Variants in SBF2 observed in about 807,000 individuals in gnomAD.
The protein encoded by SBF2 is myotubularin-related protein 13.
In SBF2, 112 loss-of-function variants were observed where a neutral mutation model predicts 225.2. The ratio of observed to expected loss-of-function variants is 0.50; its 90% CI spans 0.43 to 0.58. The LOEUF is 0.58. Among genes scored for constraint, SBF2 ranks in the 20% least tolerant of loss-of-function variants. The pLI is 0.00. For missense variants in SBF2, 1,996 were observed against 2,206.2 expected (o/e 0.90, Z 1.91); for synonymous variants, 763 against 773.3 (o/e 0.99, Z 0.22).
Position 9,999,279 on chromosome 11 carries a change from C to CTGTATGTA in SBF2, c.862-908_862-901dup, listed in dbSNP as rs3073236. 1.7e-3 allele frequency among the ~76,000 whole-genome samples: 243 copies of CTGTATGTA among 146,866 alleles called. 1 individual carries two copies. The highest frequency in any genetic ancestry group is 5.4e-3 in the East Asian group (27 of 5,000). On this transcript the variant is annotated intron_variant, in intron 8 of 39. Coordinates refer to ENST00000256190, the MANE Select transcript of SBF2 (RefSeq NM_030962.4). ...ACTTGGTTGGTCCTACCTCCAGTGA[C>CTGTATGTA]TGTATGTATGTATGTATGTATGTAT...
intron 2 of SBF2, among the ~76,000 whole-genome samples, chr11:10,053,699 G>C (rs1017135309): frequency 2.6e-5 from 4 of 151,790 alleles, no homozygotes; most frequent in Non-Finnish European, 4.4e-5. Flanking sequence ...AGGCTGCAAT[G>C]AGCTGAGATC....
chr11:10,143,872 C>T (rs11600489), intron 2 of SBF2, among the ~76,000 whole-genome samples: 33,335 of 152,026 alleles, frequency 0.22, 4,266 homozygotes, highest in Non-Finnish European at 0.3. Context: ...CACTCGCTAC[C>T]GCGCCCGGCT....
intron 28 of SBF2, 32 bp downstream of exon 28, chr11:9,829,324 C>A: frequency 1.2e-6 from 2 of 1,610,218 alleles, no homozygotes; most frequent in Non-Finnish European, 1.7e-6. Context: ...TCATTAGAAG[C>A]TGTCAAGAAG....
intron 2 of SBF2, among the ~76,000 whole-genome samples, chr11:10,182,803 C>G (rs1391387899): frequency 6.6e-6 from 1 of 151,206 alleles, no homozygotes; most frequent in African/African-American, 2.4e-5. Flanking sequence ...GAGACGGAGT[C>G]TTGCTCTGTC....
chr11:9,793,800 G>C (rs1852916148), intron 33 of SBF2, among the ~76,000 whole-genome samples: 1 of 152,172 alleles, frequency 6.6e-6, no homozygotes, highest in Admixed American at 6.5e-5. Context: ...AAGCTCCCCA[G>C]GTGATTCTAA....
At chr11:10,121,062 C>T (rs573877271) in intron 2 of SBF2, among the ~76,000 whole-genome samples, 16 of 152,240 alleles carry the variant, frequency 1.1e-4, no homozygotes, top group East Asian at 3.9e-4. Context: ...CATCACGCCC[C>T]GCCTGTTTTT....
At chr11:9,823,356 T>C (rs949857698) in intron 28 of SBF2, among the ~76,000 whole-genome samples, 14 of 152,094 alleles carry the variant, frequency 9.2e-5, no homozygotes, top group African/African-American at 3.1e-4. Flanking sequence ...ATTTTAACCC[T>C]GGCTCATCAG....
intron 17 of SBF2, among the ~76,000 whole-genome samples, chr11:9,875,565 T>C (rs1015448971): frequency 6.6e-6 from 1 of 152,114 alleles, no homozygotes; most frequent in East Asian, 1.9e-4. Flanking sequence ...CATAACAGGA[T>C]AGAAAGACCA....
intron 29 of SBF2, among the ~76,000 whole-genome samples, chr11:9,813,835 G>A (rs984072030): frequency 3.9e-5 from 6 of 151,944 alleles, no homozygotes; most frequent in Admixed American, 2.6e-4. Flanking sequence ...GCAGCTACTC[G>A]GGAGGCTGAG....
intron 8 of SBF2, among the ~76,000 whole-genome samples, chr11:10,000,337 T>C (rs560128045): frequency 1.3e-5 from 2 of 152,352 alleles, no homozygotes; most frequent in Non-Finnish European, 2.9e-5. Flanking sequence ...ATCCTGGATG[T>C]CCTTTTCTGA....
chr11:10,046,268 T>C (rs1949858203), intron 2 of SBF2, among the ~76,000 whole-genome samples: 1 of 152,188 alleles, frequency 6.6e-6, no homozygotes, highest in African/African-American at 2.4e-5. Flanking sequence ...AGGGAATACC[T>C]TCTTCATTCT....
intron 2 of SBF2, among the ~76,000 whole-genome samples, chr11:10,103,667 C>T (rs976992703): frequency 2.6e-5 from 4 of 152,124 alleles, no homozygotes; most frequent in African/African-American, 7.2e-5. Flanking sequence ...ATGCAGGTTT[C>T]TGATAACTTT....
At chr11:10,129,206 C>T (rs1188098121) in intron 2 of SBF2, among the ~76,000 whole-genome samples, 1 of 148,386 alleles carries the variant, frequency 6.7e-6, no homozygotes, top group Non-Finnish European at 1.5e-5. Context: ...CCAGTTCAAG[C>T]GATTCTCCTG....
chr11:9,909,562 C>T lies in SBF2; in HGVS notation c.1861-13551G>A, dbSNP rs566329637. On this transcript the variant is annotated intron_variant, in intron 16 of 39. Coordinates refer to ENST00000256190, the MANE Select transcript of SBF2 (RefSeq NM_030962.4). ...GCGGGCACCTGTAGTCCCAGCTACT[C>T]GGGAGGCTGAGGCAGGAGAATGGCA... 1.4e-3 allele frequency among the ~76,000 whole-genome samples: 213 copies of T among 150,868 alleles called. 1 individual carries two copies. Among genetic ancestry groups the T allele is most frequent in the African/African-American group, 4.7e-3 (195 of 41,124 alleles).
intron 16 of SBF2, among the ~76,000 whole-genome samples, chr11:9,937,427 T>C (rs1316207674): frequency 1.3e-5 from 2 of 152,174 alleles, no homozygotes; most frequent in African/African-American, 4.8e-5. Context: ...AAAATATTTA[T>C]CAGCCAATAC....
At chr11:9,795,784 A>G in intron 33 of SBF2, 47 bp downstream of exon 33, 1 of 1,598,840 alleles carries the variant, frequency 6.3e-7, no homozygotes, top group Non-Finnish European at 8.6e-7. Flanking sequence ...CATTAAAAAC[A>G]TGCAGAACTA....
chr11:10,029,932 GT>G, intron 4 of SBF2, 57 bp from the exon 5 acceptor site: 1 of 1,177,756 alleles, frequency 8.5e-7, no homozygotes. Context: ...AAAATAAATT[GT>G]TATGACATCT....
chr11:9,848,003 A>G (rs1261383650), intron 22 of SBF2, among the ~76,000 whole-genome samples: 1 of 152,010 alleles, frequency 6.6e-6, no homozygotes, highest in African/African-American at 2.4e-5. Context: ...GGATTTGCAG[A>G]AGGGAAAGGA....
chr11:10,291,351 A>G (rs2133613825), intron 1 of SBF2, among the ~76,000 whole-genome samples: 1 of 152,272 alleles, frequency 6.6e-6, no homozygotes. Context: ...GCTATGAGGA[A>G]GCATGTCCTC....
Sources: allele counts gnomAD v4.1 joint callset (sites outside exome capture counted in the v4.1 genomes callset), GRCh38; gene constraint gnomAD v4.1.1; transcripts MANE v1.5; gene names NCBI Gene and HGNC (gene_info 2026-07-23, HGNC 2026-07-21).